Variants in NAT1 observed in about 807,000 individuals in gnomAD.
NAT1 encodes arylamine N-acetyltransferase 1.
For synonymous variants in NAT1, 144 were observed against 122.6 expected (o/e 1.17, Z -1.16); for missense variants, 400 against 339.2 (o/e 1.18, Z -1.41).
intron 2 of NAT1, among the ~76,000 whole-genome samples, chr8:18,173,855 T>A (rs1244692039): frequency 1.3e-5 from 2 of 152,172 alleles, no homozygotes; most frequent in Non-Finnish European, 2.9e-5. Flanking sequence ...TTATTGACAT[T>A]TTAAAAATCA....
rs767126898 is a variant in NAT1, at chr8:18,222,599, C to T, written c.552C>T (p.Ser184=). Residue 184 remains serine, a synonymous_variant, in exon 3 of 3, where the codon AGC becomes AGT. Transcript: ENST00000307719. The part of the protein sequence containing the change: ...EFLHSDLLED[S]KYRKIYSFTL... ...TTCATTCTGATCTCCTAGAAGACAG[C>T]AAATACCGAAAAATCTACTCCTTTA... is the stretch of plus-strand genomic sequence containing the variant. The T allele has an allele frequency of 1.2e-6, 2 of 1,612,844 alleles. No homozygotes were observed. The highest frequency in any genetic ancestry group is 1.7e-6 in the Non-Finnish European group (2 of 1,179,490).
At chr8:18,173,384 T>G (rs764242073) in intron 2 of NAT1, among the ~76,000 whole-genome samples, 1 of 152,180 alleles carries the variant, frequency 6.6e-6, no homozygotes, top group Non-Finnish European at 1.5e-5. Flanking sequence ...CCTCATGGAA[T>G]GAATGTTCTT....
intron 1 of NAT1, chr8:18,217,028 C>A: frequency 7.1e-7 from 1 of 1,410,864 alleles, no homozygotes; most frequent in Non-Finnish European, 9.7e-7. Flanking sequence ...TCCAGTTTCG[C>A]ATACAAAAAG....
upstream of NAT1, among the ~76,000 whole-genome samples, chr8:18,208,295 G>GA (rs1803815829): frequency 6.7e-6 from 1 of 149,574 alleles, no homozygotes; most frequent in African/African-American, 2.5e-5. Context: ...AACAGAAACA[G>GA]AAACAAAAAA....
At chr8:18,194,894 C>T (rs924397171) in intron 2 of NAT1, among the ~76,000 whole-genome samples, 4 of 151,748 alleles carry the variant, frequency 2.6e-5, no homozygotes, top group Non-Finnish European at 4.4e-5. Context: ...TCATCGTCTT[C>T]TCTCCCAGCT....
At chr8:18,214,056 G>T (rs368448572) in intron 1 of NAT1, among the ~76,000 whole-genome samples, 64 of 152,048 alleles carry the variant, frequency 4.2e-4, no homozygotes, top group African/African-American at 1.3e-3. Context: ...CTCGTGATCC[G>T]CCCGCCTCGG....
chr8:18,192,181 A>G (rs1803018072), intron 2 of NAT1, among the ~76,000 whole-genome samples: 1 of 152,102 alleles, frequency 6.6e-6, no homozygotes, highest in Non-Finnish European at 1.5e-5. Context: ...TGGGCAAAGG[A>G]TATGAACAGA....
chr8:18,223,129 TAATAAA>T lies in NAT1; in HGVS notation c.*212_*217del, dbSNP rs932721238. 3.7e-4 allele frequency: 75 copies of T among 201,180 alleles called. No individual in the cohort carries two copies. The highest frequency in any genetic ancestry group is 1.3e-3 in the African/African-American group (57 of 42,552). 12.5% of individuals were successfully genotyped at this position (201,180 alleles called of 1,614,324 possible). A position where few individuals can be genotyped will look rare whatever the true frequency, so the allele number is the denominator to read the frequency against. On this transcript the variant is annotated 3_prime_UTR_variant, in exon 3 of 3. Transcript: ENST00000307719. ...CCTTTTCAAATAATAATAATAATAA[TAATAAA>T]AAATGTATTTTAAAGATGGCCTGTG...
rs28359487 is a variant in NAT1, at chr8:18,210,612, G to C, written c.-86+432G>C. Among the ~76,000 whole-genome samples, 213 of 152,298 alleles carry C rather than the reference G, an allele frequency of 1.4e-3. 2 individuals are homozygous for C. Among genetic ancestry groups the C allele is most frequent in the African/African-American group, 5.0e-3 (207 of 41,564 alleles). On this transcript the variant is annotated intron_variant, in intron 1 of 2. Transcript: ENST00000307719. The stretch of plus-strand genomic sequence containing the variant: ...GTAACAGTGACGCTCACCCTCCTCT[G>C]TCCCCAGTGGTGTGTGTCCCAAAGG...
chr8:18,173,146 G>GCACACACACACACACA (rs3038965), intron 2 of NAT1, among the ~76,000 whole-genome samples: 147 of 146,626 alleles, frequency 1.0e-3, no homozygotes, highest in African/African-American at 3.4e-3. Flanking sequence ...ACACAGAGAT[G>GCACACACACACACACA]CACACACACA....
chr8:18,219,566 A>T, intron 2 of NAT1, 77 bp downstream of exon 2: 1 of 731,814 alleles, frequency 1.4e-6, no homozygotes, highest in Non-Finnish European at 2.3e-6. Context: ...TCTTATATTT[A>T]TGATCAAGAT....
chr8:18,217,728 G>C (rs1047276169), intron 1 of NAT1, among the ~76,000 whole-genome samples: 5 of 152,112 alleles, frequency 3.3e-5, no homozygotes, highest in African/African-American at 1.2e-4. Context: ...TGTGGGTTGG[G>C]GACTACTGGG....
intron 2 of NAT1, among the ~76,000 whole-genome samples, chr8:18,191,643 G>C (rs1802994537): frequency 6.6e-6 from 1 of 152,198 alleles, no homozygotes; most frequent in Admixed American, 6.5e-5. Context: ...CCAAAACAGA[G>C]ATATAGATCG....
intron 2 of NAT1, among the ~76,000 whole-genome samples, chr8:18,183,988 C>T (rs189148814): frequency 6.6e-6 from 1 of 152,276 alleles, no homozygotes; most frequent in Admixed American, 6.5e-5. Context: ...CCTGTGCTCT[C>T]CCAGGCTGGC....
chr8:18,179,950 T>C (rs1036799485), intron 2 of NAT1, among the ~76,000 whole-genome samples: 1 of 152,126 alleles, frequency 6.6e-6, no homozygotes, highest in Admixed American at 6.6e-5. Flanking sequence ...GGAGATGTCA[T>C]AAGGCAACAA....
intron 2 of NAT1, among the ~76,000 whole-genome samples, chr8:18,192,488 G>T (rs1224695400): frequency 5.3e-5 from 8 of 152,246 alleles, no homozygotes; most frequent in Middle Eastern, 6.8e-3. Flanking sequence ...TCCCATTACT[G>T]GGTATATACC....
At chr8:18,199,425 C>T (rs1212069311) in intron 2 of NAT1, among the ~76,000 whole-genome samples, 1 of 151,676 alleles carries the variant, frequency 6.6e-6, no homozygotes, top group Non-Finnish European at 1.5e-5. Flanking sequence ...TTCTTCCTTC[C>T]TTTTGCCATC....
intron 2 of NAT1, among the ~76,000 whole-genome samples, chr8:18,176,594 T>TTTTTTTTTG (rs199694311): frequency 4.7e-4 from 70 of 150,300 alleles, no homozygotes; most frequent in Middle Eastern, 3.4e-3. Flanking sequence ...CATGCTGTTT[T>TTTTTTTTTG]TTTGTTTTGT....
chr8:18,202,204 C>G (rs1002222521), intron 2 of NAT1, among the ~76,000 whole-genome samples: 2 of 152,182 alleles, frequency 1.3e-5, no homozygotes, highest in African/African-American at 4.8e-5. Flanking sequence ...CTGTGTCCTT[C>G]TTTGCCTCAG....
Sources: allele counts gnomAD v4.1 joint callset (sites outside exome capture counted in the v4.1 genomes callset), GRCh38; gene constraint gnomAD v4.1.1; transcripts MANE v1.5; gene names NCBI Gene and HGNC (gene_info 2026-07-23, HGNC 2026-07-21).